The following KIF13B variants were observed in gnomAD, a reference collection of about 807,000 sequenced individuals.
The protein encoded by KIF13B is kinesin family member 13B.
Under a neutral mutation model 222.0 loss-of-function variants are expected in KIF13B, and 127 were observed. The observed-to-expected ratio is 0.57, with a 90% confidence interval of 0.50 to 0.66. The LOEUF (loss-of-function observed/expected upper bound fraction) is 0.66. Ranked by LOEUF, KIF13B falls within the 30% of genes least tolerant of loss-of-function variation. The pLI is 0.00. For synonymous variants in KIF13B, 976 were observed against 919.0 expected (o/e 1.06, Z -1.12); for missense variants, 2,173 against 2,379.0 (o/e 0.91, Z 1.80).
chr8:29,208,916 C>A (rs1814081123), intron 2 of KIF13B, among the ~76,000 whole-genome samples: 1 of 152,188 alleles, frequency 6.6e-6, no homozygotes, highest in Non-Finnish European at 1.5e-5. Flanking sequence ...GTTTCACGTG[C>A]CCCTGCCTGC....
rs757645279 is a variant in KIF13B at position 29,140,440 on chromosome 8, G to T, written c.2484+28C>A. On this transcript the variant is annotated intron_variant, in intron 20 of 39. Transcript: ENST00000524189. ...CTTGTTTCTTAAACTATTCTCTACA[G>T]GAAACAAGGCATGAAGAGAAAACCA... is the stretch of plus-strand genomic sequence containing the variant. The T allele has an allele frequency of 1.2e-5, 19 of 1,604,816 alleles. No homozygotes were observed. The South Asian group carries it at 1.8e-4, about 15-fold the overall frequency.
At chr8:29,078,442 A>T (rs1807667731) in intron 37 of KIF13B, among the ~76,000 whole-genome samples, 1 of 152,194 alleles carries the variant, frequency 6.6e-6, no homozygotes, top group Non-Finnish European at 1.5e-5. Context: ...ACATCCACCA[A>T]GAATACTGAA....
intron 14 of KIF13B, among the ~76,000 whole-genome samples, chr8:29,155,004 T>TA (rs1238155468): frequency 1.3e-5 from 2 of 152,186 alleles, no homozygotes; most frequent in African/African-American, 2.4e-5. Flanking sequence ...CAGACTGTTA[T>TA]ACTTCCAACT....
At chr8:29,138,045 C>G (rs747504720) in intron 21 of KIF13B, among the ~76,000 whole-genome samples, 4 of 152,176 alleles carry the variant, frequency 2.6e-5, no homozygotes, top group Non-Finnish European at 4.4e-5. Context: ...TTTTGGAAAA[C>G]CAATTCATTA....
chr8:29,164,698 T>C (rs946753584), intron 12 of KIF13B, among the ~76,000 whole-genome samples: 1 of 152,162 alleles, frequency 6.6e-6, no homozygotes, highest in African/African-American at 2.4e-5. Context: ...GGTCCTGAGC[T>C]CCACATTACC....
chr8:29,199,380 G>A (rs1813584088), intron 2 of KIF13B, among the ~76,000 whole-genome samples: 1 of 152,014 alleles, frequency 6.6e-6, no homozygotes, highest in Non-Finnish European at 1.5e-5. Flanking sequence ...GCTCAGAAAA[G>A]TCAACCCGTC....
rs1339511787 is a variant in KIF13B, at chr8:29,071,875, C to G, written c.4963G>C (p.Glu1655Gln). The G allele has an allele frequency of 2.6e-6, 4 of 1,534,144 alleles. No homozygotes were observed. The highest frequency in any genetic ancestry group is 2.6e-6 in the Non-Finnish European group (3 of 1,145,412). The change falls in exon 39 of 40, where the codon GAG becomes CAG. Residue 1655 changes from glutamate to glutamine, a missense_variant. Glu to Gln is a conservative substitution (Grantham distance 29, BLOSUM62 2). Around this residue, in one of 2 missense-constraint regions of KIF13B, gnomAD observed 693 missense variants for 656.2 expected, o/e 1.06. Transcript: ENST00000524189. The surrounding 1 kb of genome is among the most constrained non-coding windows in gnomAD (Gnocchi z 4.9). ...AGCATGCGCGAGAAGGAGCGCAACT[C>G]CGAGGCCCGCACCCTCCGGACGCGG... ...PFRVRRVRASELRSFSRMLAG... is the reference protein window; with the variant it reads ...PFRVRRVRASQLRSFSRMLAG...
chr8:29,228,472 A>AAAAAAAAAATATATATATATATATAT, intron 2 of KIF13B, among the ~76,000 whole-genome samples: 1 of 117,086 alleles, frequency 8.5e-6, no homozygotes, highest in African/African-American at 3.3e-5. Flanking sequence ...ATCTTAAAAA[A>AAAAAAAAAATATATATATATATATAT]ATATATATAT....
chr8:29,239,974 T>G (rs1256556122), intron 2 of KIF13B, among the ~76,000 whole-genome samples: 1 of 150,448 alleles, frequency 6.6e-6, no homozygotes, highest in Non-Finnish European at 1.5e-5. Context: ...CAATACACCC[T>G]TGTAACAAAC....
intron 2 of KIF13B, among the ~76,000 whole-genome samples, chr8:29,198,649 T>A (rs1322160653): frequency 6.6e-6 from 1 of 152,100 alleles, no homozygotes; most frequent in East Asian, 1.9e-4. Context: ...ACTTTAAAAG[T>A]AGATCAACCA....
intron 13 of KIF13B, 141 bp from the exon 14 acceptor site, chr8:29,155,997 C>A (rs747207772): frequency 1.7e-6 from 1 of 585,880 alleles, no homozygotes; most frequent in East Asian, 3.4e-5. Flanking sequence ...GAGACAGAGT[C>A]TTGCTCTATC....
chr8:29,147,386 G>A lies in KIF13B; in HGVS notation c.2024+6C>T, dbSNP rs181632003. 5.3e-4 allele frequency: 847 copies of A among 1,594,214 alleles called. 9 individuals are homozygous for A. Among genetic ancestry groups the A allele is most frequent in the Middle Eastern group, 1.8e-4 (1 of 5,714 alleles). ...TAAAGTTAACAGGCCCCTCTGTGCC[G>A]CCTACCTCTCCTCAGCCCACTGTCT... On this transcript the variant is annotated splice_donor_region_variant and intron_variant, in intron 17 of 39. Transcript: ENST00000524189.
chr8:29,175,213 C>A (rs73560710), intron 10 of KIF13B, among the ~76,000 whole-genome samples: 7,164 of 152,202 alleles, frequency 0.047, 359 homozygotes, highest in African/African-American at 0.12. Context: ...CCCTCTAATT[C>A]CCAGTCCGAT....
At chr8:29,147,370 C>G (rs1811101455) in intron 17 of KIF13B, 22 bp downstream of exon 17, 2 of 1,568,102 alleles carry the variant, frequency 1.3e-6, no homozygotes, top group African/African-American at 1.4e-5. Flanking sequence ...ATAAAGTTAA[C>G]AGGCCCCTCT....
Position 29,088,807 on chromosome 8 carries a change from G to A in KIF13B, c.4458+3938C>T, listed in dbSNP as rs562124167. Among the ~76,000 whole-genome samples, 31 of 152,310 alleles carry A rather than the reference G, an allele frequency of 2.0e-4. No individual in the cohort carries two copies. In the South Asian group the frequency reaches 6.4e-3, roughly 32 times the overall value. On this transcript the variant is annotated intron_variant, in intron 37 of 39. Transcript: ENST00000524189. ...AAAGCATATTCAAAGCATATTTAAA[G>A]TATGCTTCACTTGTTGTACCCTGAA...
intron 18 of KIF13B, among the ~76,000 whole-genome samples, chr8:29,142,998 G>T (rs1187833959): frequency 6.6e-6 from 1 of 152,056 alleles, no homozygotes; most frequent in African/African-American, 2.4e-5. Context: ...GACCACAGGT[G>T]CATGCCAATA....
intron 12 of KIF13B, among the ~76,000 whole-genome samples, chr8:29,161,688 T>C (rs187118013): frequency 1.5e-5 from 2 of 133,924 alleles, no homozygotes; most frequent in Admixed American, 8.0e-5. Context: ...AGAGAAAGAC[T>C]CCATCTCAAA....
chr8:29,242,803 A>G (rs1350491653), intron 2 of KIF13B, among the ~76,000 whole-genome samples: 1 of 152,230 alleles, frequency 6.6e-6, no homozygotes, highest in African/African-American at 2.4e-5. Flanking sequence ...TGGTTTTCCA[A>G]TTAGTTGATA....
intron 2 of KIF13B, among the ~76,000 whole-genome samples, chr8:29,206,169 A>G (rs772848720): frequency 6.6e-6 from 1 of 152,126 alleles, no homozygotes; most frequent in Non-Finnish European, 1.5e-5. Context: ...TTATGTCTGT[A>G]ATCCCAGCAC....
Sources: gnomAD v4.1 joint callset for allele counts (sites outside exome capture counted in the v4.1 genomes callset) on GRCh38, gnomAD v4.1.1 for gene constraint, gnomAD v4.1.1 regional missense constraint, Gnocchi (gnomAD v3.1) non-coding constraint, MANE v1.5 for transcripts, NCBI Gene and HGNC (gene_info 2026-07-23, HGNC 2026-07-21) for gene names.